The following CRPPA variants were observed in gnomAD, a reference collection of about 807,000 sequenced individuals.
CRPPA encodes D-ribitol-5-phosphate cytidylyltransferase.
A neutral mutation model predicts 52.0 loss-of-function variants in CRPPA; 43 were observed. That is an observed-to-expected ratio of 0.83 (90% confidence interval 0.65 to 1.07). The LOEUF (loss-of-function observed/expected upper bound fraction) is 1.07, where lower values mean the gene tolerates loss of function less well. Among genes scored for constraint, CRPPA ranks in the 50% least tolerant of loss-of-function variants. The pLI, the probability that CRPPA is intolerant of heterozygous loss-of-function variation, is 0.00. For synonymous variants in CRPPA, 250 were observed against 203.5 expected (o/e 1.23, Z -1.94); for missense variants, 629 against 551.7 (o/e 1.14, Z -1.40).
chr7:16,188,392 G>C (rs1781546665), intron 9 of CRPPA, among the ~76,000 whole-genome samples: 1 of 152,148 alleles, frequency 6.6e-6, no homozygotes, highest in South Asian at 2.1e-4. Flanking sequence ...CAATGATAAA[G>C]ATAGCAGTAT....
chr7:16,317,492 A>T (rs1246290571), intron 3 of CRPPA, among the ~76,000 whole-genome samples: 1 of 152,158 alleles, frequency 6.6e-6, no homozygotes, highest in Admixed American at 6.5e-5. Context: ...GGTTGCTCTG[A>T]CAATATGCAT....
intron 9 of CRPPA, among the ~76,000 whole-genome samples, chr7:16,102,932 T>C (rs1334196599): frequency 2.0e-5 from 3 of 152,200 alleles, no homozygotes; most frequent in Non-Finnish European, 4.4e-5. Flanking sequence ...AAATACCATT[T>C]GACCCAGGAA....
At chr7:16,167,232 A>G (rs951721572) in intron 9 of CRPPA, among the ~76,000 whole-genome samples, 1 of 152,108 alleles carries the variant, frequency 6.6e-6, no homozygotes, top group African/African-American at 2.4e-5. Context: ...AGCCTTTCCA[A>G]GCTACTTTCA....
rs1255346906 is a variant in CRPPA, at chr7:16,090,194, C to A, written c.*1501G>T. The A allele has an allele frequency of 6.6e-6, 1 of 152,050 alleles. No individual in the cohort carries two copies. The highest frequency in any genetic ancestry group is 2.4e-5 in the African/African-American group (1 of 41,404). The allele number at this position is 152,050 out of a possible 1,614,324, so 9.4% of individuals were successfully genotyped here. ...AAGGGCAGGCCCAGGAATTTAGATA[C>A]AAGCCTACATTCAAATAACACATTT... On this transcript the variant is annotated 3_prime_UTR_variant, in exon 10 of 10. Transcript: ENST00000407010.
chr7:16,254,812 A>AGAAAGAAAGAAC (rs1562588677), intron 8 of CRPPA, among the ~76,000 whole-genome samples: 19 of 147,176 alleles, frequency 1.3e-4, no homozygotes, highest in African/African-American at 4.5e-4. Flanking sequence ...AAAGAAAGAA[A>AGAAAGAAAGAAC]GAAAGAAAGA....
intron 9 of CRPPA, among the ~76,000 whole-genome samples, chr7:16,112,962 A>T (rs1782297496): frequency 6.6e-6 from 1 of 152,108 alleles, no homozygotes; most frequent in African/African-American, 2.4e-5. Context: ...AAATCTATGA[A>T]AAACAGACCC....
At chr7:16,258,354 A>G (rs757085316) in intron 8 of CRPPA, 36 bp downstream of exon 8, 2 of 1,308,564 alleles carry the variant, frequency 1.5e-6, no homozygotes, top group South Asian at 2.6e-5. Flanking sequence ...AGAAGGAAGC[A>G]TAAGTTTGAG....
chr7:16,311,292 A>G (rs998851041), intron 3 of CRPPA, among the ~76,000 whole-genome samples: 1 of 152,152 alleles, frequency 6.6e-6, no homozygotes, highest in Non-Finnish European at 1.5e-5. Flanking sequence ...GTTATTGTAC[A>G]GAGTAGTTTC....
Position 16,349,369 on chromosome 7 carries a change from A to T in CRPPA, c.684+26723T>A, listed in dbSNP as rs78369959. Among the ~76,000 whole-genome samples the T allele has an allele frequency of 1.9e-3, 282 of 152,308 alleles. 3 individuals carry two copies. The highest frequency in any genetic ancestry group is 6.5e-3 in the African/African-American group (272 of 41,574). ...GACAAGACAGGCAGATGTTTTACCT[A>T]ATATGCAGAAAACAACAGTGTCAAA... is the stretch of plus-strand genomic sequence containing the variant. On this transcript the variant is annotated intron_variant, in intron 3 of 9. Transcript: ENST00000407010.
chr7:16,193,121 T>C (rs1325461726), intron 9 of CRPPA, among the ~76,000 whole-genome samples: 4 of 152,194 alleles, frequency 2.6e-5, no homozygotes. Context: ...TTGCATTGAA[T>C]TACAGCTCAC....
At chr7:16,296,105 C>T (rs981643931) in intron 5 of CRPPA, among the ~76,000 whole-genome samples, 2 of 152,080 alleles carry the variant, frequency 1.3e-5, no homozygotes, top group Non-Finnish European at 2.9e-5. Flanking sequence ...GAAACTACCA[C>T]TTTCTATACA....
chr7:16,367,216 C>T (rs1467802730), intron 3 of CRPPA, among the ~76,000 whole-genome samples: 1 of 152,050 alleles, frequency 6.6e-6, no homozygotes, highest in Admixed American at 6.6e-5. Flanking sequence ...CTACTATACC[C>T]CTTGCTCCCT....
intron 5 of CRPPA, among the ~76,000 whole-genome samples, chr7:16,299,591 C>G (rs139634390): frequency 2.6e-5 from 4 of 152,246 alleles, no homozygotes; most frequent in Non-Finnish European, 2.9e-5. Flanking sequence ...CCAGAAGCAT[C>G]AGAATCTCCT....
At chr7:16,127,162 A>G (rs901232863) in intron 9 of CRPPA, among the ~76,000 whole-genome samples, 6 of 152,192 alleles carry the variant, frequency 3.9e-5, no homozygotes, top group Non-Finnish European at 8.8e-5. Context: ...ATAAACTTTT[A>G]ATTAGATGCC....
chr7:16,358,368 A>G (rs901326511), intron 3 of CRPPA, among the ~76,000 whole-genome samples: 1 of 152,176 alleles, frequency 6.6e-6, no homozygotes, highest in Non-Finnish European at 1.5e-5. Flanking sequence ...GTGGATTTGG[A>G]GCTGGGAAGC....
At chr7:16,126,859 T>A (rs1326536593) in intron 9 of CRPPA, among the ~76,000 whole-genome samples, 1 of 152,076 alleles carries the variant, frequency 6.6e-6, no homozygotes, top group East Asian at 1.9e-4. Context: ...AGTTTTGTCA[T>A]AGAAAAATGA....
chr7:16,396,323 A>C (rs1787567211), intron 2 of CRPPA, among the ~76,000 whole-genome samples: 1 of 152,186 alleles, frequency 6.6e-6, no homozygotes, highest in South Asian at 2.1e-4. Context: ...GAGTTCAAAA[A>C]TCTGCCAACT....
At chr7:16,240,119 TACA>T (rs762860193) in intron 8 of CRPPA, among the ~76,000 whole-genome samples, 6 of 151,778 alleles carry the variant, frequency 4.0e-5, no homozygotes, top group South Asian at 4.2e-4. Context: ...TCCTAAAAGT[TACA>T]ACAACACCGT....
intron 2 of CRPPA, among the ~76,000 whole-genome samples, chr7:16,392,686 T>C (rs1335666914): frequency 6.6e-6 from 1 of 152,208 alleles, no homozygotes; most frequent in Non-Finnish European, 1.5e-5. Flanking sequence ...TTGCTTTTGA[T>C]ATTTTAACCT....
Sources: gnomAD v4.1 joint callset for allele counts (sites outside exome capture counted in the v4.1 genomes callset) on GRCh38, gnomAD v4.1.1 for gene constraint, MANE v1.5 for transcripts, NCBI Gene and HGNC (gene_info 2026-07-23, HGNC 2026-07-21) for gene names.